The following SLC25A13 variants were observed in gnomAD, a reference collection of about 807,000 sequenced individuals.
SLC25A13 encodes electrogenic aspartate/glutamate antiporter SLC25A13, mitochondrial.
A neutral mutation model predicts 85.5 loss-of-function variants in SLC25A13; 70 were observed. That is an observed-to-expected ratio of 0.82 (90% CI 0.68 to 1.00). The LOEUF is 1.00. Ranked by LOEUF, SLC25A13 falls within the 50% of genes least tolerant of loss-of-function variation. The pLI is 0.00. For synonymous variants in SLC25A13, 259 were observed against 288.7 expected (o/e 0.90, Z 1.04); for missense variants, 765 against 819.8 (o/e 0.93, Z 0.82).
At chr7:96,193,262 C>G (rs1207499391) in intron 5 of SLC25A13, 79 bp from the exon 6 acceptor site, 8 of 1,535,298 alleles carry the variant, frequency 5.2e-6, no homozygotes, top group South Asian at 4.6e-5. Flanking sequence ...ATTTTAAAAT[C>G]AGACTGAAGA....
At chr7:96,180,916 A>G (rs1365182223) in intron 11 of SLC25A13, among the ~76,000 whole-genome samples, 1 of 152,204 alleles carries the variant, frequency 6.6e-6, no homozygotes, top group Non-Finnish European at 1.5e-5. Flanking sequence ...AAGGATTTCA[A>G]ATACCTGAGC....
At chr7:96,286,544 T>C (rs1798894260) in intron 2 of SLC25A13, among the ~76,000 whole-genome samples, 1 of 152,154 alleles carries the variant, frequency 6.6e-6, no homozygotes, top group Non-Finnish European at 1.5e-5. Flanking sequence ...CACCTCTCCA[T>C]AACTTAATGA....
At position 96,131,768 on chromosome 7, in the gene SLC25A13, G is replaced by A. The variant is rs771908277; in HGVS notation, c.1566C>T (p.Ser522=). ...ANEDGQVSPG[S]LLLAGAIAGM... ...CAGCTATGGCACCAGCTAAGAGCAG[G>A]CTTCCTGGGCTAACCTGCCCATCTT... The change falls in exon 15 of 18, where the codon AGC becomes AGT. Residue 522 remains serine (S), a synonymous_variant. Transcript: ENST00000265631. 1.8e-5 allele frequency: 29 copies of A among 1,613,934 alleles called. 1 individual carries two copies. The highest frequency in any genetic ancestry group is 1.6e-4 in the Middle Eastern group (1 of 6,082).
Position 96,227,176 on chromosome 7 carries a change from T to A in SLC25A13, c.328+7626A>T, listed in dbSNP as rs537363619. On this transcript the variant is annotated intron_variant, in intron 4 of 17. Coordinates refer to ENST00000265631, the MANE Select transcript of SLC25A13 (RefSeq NM_014251.3). ...GGCAGTAGTCCTATCTGCAAAATTG[T>A]ACACATGCACCAGCATCTTTAGATA... 9.2e-5 allele frequency among the ~76,000 whole-genome samples: 14 copies of A among 152,350 alleles called. No individual in the cohort carries two copies. The East Asian group carries it at 2.3e-3, about 25-fold the overall frequency.
At chr7:96,315,099 T>C (rs1186995304) in intron 1 of SLC25A13, among the ~76,000 whole-genome samples, 1 of 152,138 alleles carries the variant, frequency 6.6e-6, no homozygotes, top group Non-Finnish European at 1.5e-5. Flanking sequence ...TCCAGGATTA[T>C]CACAAAACTG....
At chr7:96,259,445 CAT>C (rs1192081702) in intron 3 of SLC25A13, among the ~76,000 whole-genome samples, 8 of 151,990 alleles carry the variant, frequency 5.3e-5, no homozygotes, top group East Asian at 3.9e-4. Context: ...ATCCAACAAA[CAT>C]ATGAAAAAAA....
At chr7:96,157,143 T>G (rs1268075130) in intron 13 of SLC25A13, among the ~76,000 whole-genome samples, 1 of 152,164 alleles carries the variant, frequency 6.6e-6, no homozygotes, top group Non-Finnish European at 1.5e-5. Context: ...ACTACAACCA[T>G]GTCAGCATGA....
chr7:96,297,596 A>G (rs943382564), intron 1 of SLC25A13, among the ~76,000 whole-genome samples: 3 of 152,146 alleles, frequency 2.0e-5, no homozygotes, highest in Admixed American at 2.0e-4. Context: ...AGCCTCCCAA[A>G]GTGCTAAGAT....
chr7:96,220,807 G>A (rs757447065), intron 4 of SLC25A13, among the ~76,000 whole-genome samples: 3 of 151,758 alleles, frequency 2.0e-5, no homozygotes, highest in African/African-American at 4.8e-5. Flanking sequence ...AAACACACAG[G>A]TGCACATGCA....
intron 5 of SLC25A13, among the ~76,000 whole-genome samples, chr7:96,199,251 C>A (rs1327909996): frequency 6.6e-6 from 1 of 152,180 alleles, no homozygotes; most frequent in African/African-American, 2.4e-5. Context: ...TTAGCCTACA[C>A]AGACTGCCTG....
chr7:96,241,128 G>T (rs1275481906), intron 3 of SLC25A13, among the ~76,000 whole-genome samples: 1 of 151,826 alleles, frequency 6.6e-6, no homozygotes, highest in East Asian at 1.9e-4. Flanking sequence ...CAAGGGCTGG[G>T]AGTGCAGCAT....
chr7:96,172,451 G>A (rs1794041453), intron 11 of SLC25A13, among the ~76,000 whole-genome samples: 1 of 151,924 alleles, frequency 6.6e-6, no homozygotes, highest in Non-Finnish European at 1.5e-5. Flanking sequence ...CCAGCTAGTT[G>A]GGAGGCCAAG....
intron 3 of SLC25A13, among the ~76,000 whole-genome samples, chr7:96,274,671 G>A (rs1026482831): frequency 1.3e-5 from 2 of 152,202 alleles, no homozygotes; most frequent in Admixed American, 6.5e-5. Flanking sequence ...AATCCATCTT[G>A]AATTAATTTT....
At chr7:96,209,353 T>TACACACACACACACACAC (rs59571646) in intron 4 of SLC25A13, among the ~76,000 whole-genome samples, 22 of 145,542 alleles carry the variant, frequency 1.5e-4, no homozygotes, top group Middle Eastern at 3.5e-3. Flanking sequence ...GGAAAACACA[T>TACACACACACACACACAC]ACACACACAC....
At chr7:96,235,393 G>A (rs943089086) in intron 3 of SLC25A13, among the ~76,000 whole-genome samples, 2 of 152,166 alleles carry the variant, frequency 1.3e-5, no homozygotes, top group African/African-American at 4.8e-5. Context: ...GCTAGTACAA[G>A]GGGAATACAG....
At chr7:96,245,512 T>A (rs1474849604) in intron 3 of SLC25A13, among the ~76,000 whole-genome samples, 1 of 152,246 alleles carries the variant, frequency 6.6e-6, no homozygotes, top group Admixed American at 6.5e-5. Context: ...ATATCCTTTA[T>A]TTCTTAAATA....
intron 13 of SLC25A13, among the ~76,000 whole-genome samples, chr7:96,155,825 C>T (rs969735922): frequency 3.9e-4 from 59 of 152,114 alleles, no homozygotes; most frequent in African/African-American, 1.3e-3. Context: ...TCCTTCAATC[C>T]CCCAATCATG....
At chr7:96,169,852 A>T (rs1448905410) in intron 13 of SLC25A13, 193 bp downstream of exon 13, 1 of 616,804 alleles carries the variant, frequency 1.6e-6, no homozygotes, top group East Asian at 2.7e-5. Flanking sequence ...ACAGGCAGTA[A>T]GGTCAGAAAC....
At chr7:96,201,655 A>G (rs1466747225) in intron 5 of SLC25A13, among the ~76,000 whole-genome samples, 3 of 152,192 alleles carry the variant, frequency 2.0e-5, no homozygotes, top group Admixed American at 1.3e-4. Context: ...ACTCATCTGT[A>G]AAGAATTACG....
Sources: allele counts gnomAD v4.1 joint callset (sites outside exome capture counted in the v4.1 genomes callset), GRCh38; gene constraint gnomAD v4.1.1; transcripts MANE v1.5; gene names NCBI Gene and HGNC (gene_info 2026-07-23, HGNC 2026-07-21).